MYO18B: variants seen among roughly 807,000 people sequenced by gnomAD.
The protein encoded by MYO18B is myosin XVIIIB.
In MYO18B, 204 loss-of-function variants were observed where a neutral mutation model predicts 273.0. The observed-to-expected ratio is 0.75, with a 90% CI of 0.67 to 0.84. The LOEUF (loss-of-function observed/expected upper bound fraction) is 0.84, where lower values mean the gene tolerates loss of function less well. MYO18B is among the 40% of genes least tolerant of loss of function. The pLI is 0.00. For missense variants in MYO18B, 3,212 were observed against 3,287.6 expected (o/e 0.98, Z 0.56); for synonymous variants, 1,330 against 1,305.7 (o/e 1.02, Z -0.40).
chr22:25,895,354 C>A, intron 28 of MYO18B, 74 bp downstream of exon 28: 2 of 1,516,210 alleles, frequency 1.3e-6, no homozygotes, highest in East Asian at 2.5e-5. Flanking sequence ...TGTGGGTGAT[C>A]GAGGTATTAG....
intron 43 of MYO18B, among the ~76,000 whole-genome samples, chr22:26,030,072 A>G (rs1043667669): frequency 6.6e-6 from 1 of 152,080 alleles, no homozygotes; most frequent in Non-Finnish European, 1.5e-5. Flanking sequence ...TCTCTATCAA[A>G]ATGTACCCAT....
In MYO18B at chr22:25,851,525, C is replaced by T. The variant is rs765924460; in HGVS notation, c.3831C>T (p.Asp1277=). 1.5e-5 allele frequency: 23 copies of T among 1,561,320 alleles called. No individual in the cohort carries two copies. Among genetic ancestry groups the T allele is most frequent in the Middle Eastern group, 1.7e-4 (1 of 6,036 alleles). Residue 1277 remains aspartate (D), a synonymous_variant, in exon 21 of 44, where the codon GAC becomes GAT. Transcript: ENST00000335473. The part of the protein sequence containing the change: ...TRFRRQFQVL[D]APLLKKLMST... ...TCCGCCGGCAATTCCAGGTGCTGGACGCTCCACTCCTGAAGAAGCTCATGT... is the reference window on the plus strand; with the variant it reads ...TCCGCCGGCAATTCCAGGTGCTGGATGCTCCACTCCTGAAGAAGCTCATGT...
chr22:25,808,831 T>C (rs2088602821), intron 12 of MYO18B, among the ~76,000 whole-genome samples: 1 of 152,166 alleles, frequency 6.6e-6, no homozygotes, highest in South Asian at 2.1e-4. Context: ...GCTGACATTA[T>C]TGAACTTGAG....
the MYO18B span, among the ~76,000 whole-genome samples, chr22:26,053,408 T>C: frequency 6.6e-6 from 1 of 152,234 alleles, no homozygotes; most frequent in Non-Finnish European, 1.5e-5. Context: ...TGGTTCAGCA[T>C]TTTTTGCTCC....
chr22:26,060,866 AACAC>A, the MYO18B span, among the ~76,000 whole-genome samples: 264 of 152,170 alleles, frequency 1.7e-3, no homozygotes, highest in African/African-American at 6.0e-3. Flanking sequence ...TATATACACA[AACAC>A]ACAGTTTTAC....
the MYO18B span, among the ~76,000 whole-genome samples, chr22:26,055,150 A>G: frequency 6.6e-6 from 1 of 152,160 alleles, no homozygotes; most frequent in African/African-American, 2.4e-5. Flanking sequence ...AGAGGTAAGC[A>G]TTGTATAGAG....
intron 43 of MYO18B, among the ~76,000 whole-genome samples, chr22:26,029,151 T>C (rs769677216): frequency 1.3e-5 from 2 of 152,192 alleles, no homozygotes; most frequent in Non-Finnish European, 2.9e-5. Context: ...GGCATCTTCA[T>C]GAGTGAAATT....
At chr22:25,992,740 G>C (rs5752249) in intron 40 of MYO18B, among the ~76,000 whole-genome samples, 1 of 152,176 alleles carries the variant, frequency 6.6e-6, no homozygotes, top group Admixed American at 6.5e-5. Flanking sequence ...AATGTGACTG[G>C]AACAAGGACT....
chr22:25,775,237 G>A (rs2086872901), intron 7 of MYO18B, among the ~76,000 whole-genome samples: 1 of 152,198 alleles, frequency 6.6e-6, no homozygotes, highest in South Asian at 2.1e-4. Context: ...CCTGCATTAG[G>A]TTCCTGCTGA....
the MYO18B span, among the ~76,000 whole-genome samples, chr22:26,044,956 G>A: frequency 6.6e-6 from 1 of 152,130 alleles, no homozygotes; most frequent in African/African-American, 2.4e-5. Flanking sequence ...TGTAATCATG[G>A]CCCCAGTAAT....
chr22:25,944,103 G>T (rs1377843641), intron 34 of MYO18B, among the ~76,000 whole-genome samples: 2 of 152,150 alleles, frequency 1.3e-5, no homozygotes, highest in African/African-American at 4.8e-5. Context: ...GGCTGGTTTT[G>T]CCCTGCCTGC....
At chr22:25,890,209 C>G (rs2091619195) in intron 25 of MYO18B, among the ~76,000 whole-genome samples, 1 of 152,152 alleles carries the variant, frequency 6.6e-6, no homozygotes, top group South Asian at 2.1e-4. Flanking sequence ...GGAGCACACA[C>G]ATGTGATACT....
intron 12 of MYO18B, among the ~76,000 whole-genome samples, chr22:25,807,905 G>A (rs775427744): frequency 2.0e-5 from 3 of 152,006 alleles, no homozygotes; most frequent in African/African-American, 2.4e-5. Flanking sequence ...AGCCTCACAG[G>A]TCTGTTTTGC....
chr22:25,770,787 C>A, intron 5 of MYO18B, 85 bp from the exon 6 acceptor site: 1 of 971,974 alleles, frequency 1.0e-6, no homozygotes, highest in Non-Finnish European at 1.6e-6. Context: ...CTTAGAGCCT[C>A]TCTTATCTCC....
At chr22:25,963,628 G>A (rs192794399) in intron 39 of MYO18B, among the ~76,000 whole-genome samples, 329 of 150,468 alleles carry the variant, frequency 2.2e-3, no homozygotes, top group Admixed American at 3.1e-3. Context: ...AGGTGGATAT[G>A]GATTTTTGGG....
intron 37 of MYO18B, 142 bp from the exon 38 acceptor site, chr22:25,952,144 G>A (rs2092799563): frequency 1.1e-6 from 1 of 926,888 alleles, no homozygotes. Flanking sequence ...TGCTTGTGCA[G>A]ACATTTAACA....
At chr22:26,043,595 C>T in the MYO18B span, among the ~76,000 whole-genome samples, 1 of 148,846 alleles carries the variant, frequency 6.7e-6, no homozygotes, top group East Asian at 2.0e-4. Context: ...ACTGCAACCT[C>T]TGCCTCCCGG....
rs368485323 is a variant in MYO18B at position 25,874,472 on chromosome 22, G to A, written c.4080+58G>A. ...CCAACGGGTCTGGAGCGGGCATAGG[G>A]TCTGCCTGTCTTTCAGGATGATACC... On this transcript the variant is annotated intron_variant, in intron 23 of 43. Coordinates refer to ENST00000335473, the MANE Select transcript of MYO18B (RefSeq NM_032608.7). 6 of 1,559,610 alleles carry A rather than the reference G, an allele frequency of 3.8e-6. No homozygotes were observed. The Admixed American group carries it at 1.2e-4, about 30-fold the overall frequency.
intron 38 of MYO18B, 30 bp from the exon 39 acceptor site, chr22:25,955,149 A>G (rs1255225831): frequency 1.3e-5 from 20 of 1,550,106 alleles, no homozygotes; most frequent in Non-Finnish European, 1.7e-5. Context: ...CTCCAACTCC[A>G]AGGTGGGCAT....
Sources: allele counts gnomAD v4.1 joint callset (sites outside exome capture counted in the v4.1 genomes callset), GRCh38; gene constraint gnomAD v4.1.1; transcripts MANE v1.5; gene names NCBI Gene and HGNC (gene_info 2026-07-23, HGNC 2026-07-21).